NAV3: variants seen among roughly 807,000 people sequenced by gnomAD.
NAV3 encodes the protein neuron navigator 3, also known as pore membrane and/or filament interacting like protein 1.
Under a neutral mutation model 244.7 loss-of-function variants are expected in NAV3, and 87 were observed. That is an observed-to-expected ratio of 0.36 (90% CI 0.30 to 0.42). NAV3 has a LOEUF of 0.42. Ranked by LOEUF, NAV3 falls within the 20% of genes least tolerant of loss-of-function variation. NAV3 has a pLI of 1.00. For missense variants in NAV3, 2,663 were observed against 2,893.3 expected (o/e 0.92, Z 1.83); for synonymous variants, 1,126 against 1,042.2 (o/e 1.08, Z -1.55).
At chr12:77,611,868 A>C (rs948486015) in intron 2 of NAV3, among the ~76,000 whole-genome samples, 2 of 151,998 alleles carry the variant, frequency 1.3e-5, no homozygotes, top group Admixed American at 1.3e-4. Flanking sequence ...TTCATGCTTT[A>C]ATATATTGAT....
intron 28 of NAV3, among the ~76,000 whole-genome samples, chr12:78,179,166 G>A (rs377766191): frequency 2.0e-5 from 3 of 151,984 alleles, no homozygotes; most frequent in East Asian, 3.9e-4. Flanking sequence ...ATAGTCACAT[G>A]TTGCAAATAG....
chr12:77,961,139 A>G (rs1241430418), intron 3 of NAV3, among the ~76,000 whole-genome samples: 1 of 145,992 alleles, frequency 6.8e-6, no homozygotes, highest in Admixed American at 6.9e-5. Flanking sequence ...CTTTAATAAT[A>G]TATTACTATA....
At chr12:78,132,613 GGCAAT>G (rs1487382130) in intron 18 of NAV3, among the ~76,000 whole-genome samples, 1 of 152,044 alleles carries the variant, frequency 6.6e-6, no homozygotes, top group Non-Finnish European at 1.5e-5. Context: ...GCAAACCCTG[GGCAAT>G]GCAATTCATC....
rs750712701 is a variant in NAV3 at position 77,940,324 on chromosome 12, C to T, written c.249C>T (p.Tyr83=). 4.3e-6 allele frequency: 7 copies of T among 1,613,096 alleles called. No individual in the cohort carries two copies. In the Admixed American group the frequency reaches 1.0e-4, roughly 23 times the overall value. Residue 83 remains tyrosine, a synonymous_variant, in exon 2 of 40, where the codon TAC becomes TAT. Coordinates refer to ENST00000397909, the MANE Select transcript of NAV3 (RefSeq NM_001024383.2). ...KAKEKEDSKI[Y]TDWANHYLAK... ...TCCTTCTCTCTGTTCAACAGATTTA[C>T]ACTGACTGGGCCAACCACTACCTAG... is the stretch of plus-strand genomic sequence containing the variant.
chr12:77,692,363 G>T (rs994995823), intron 2 of NAV3, among the ~76,000 whole-genome samples: 3 of 152,002 alleles, frequency 2.0e-5, no homozygotes, highest in Non-Finnish European at 4.4e-5. Context: ...AACACCTTGG[G>T]TCAAAGGCAC....
intron 3 of NAV3, among the ~76,000 whole-genome samples, chr12:77,942,202 G>C (rs939182720): frequency 6.6e-6 from 1 of 152,002 alleles, no homozygotes; most frequent in Non-Finnish European, 1.5e-5. Context: ...GAGAAATCCT[G>C]TCTCTACTAA....
chr12:77,648,116 C>T (rs1872678020), intron 2 of NAV3, among the ~76,000 whole-genome samples: 1 of 151,900 alleles, frequency 6.6e-6, no homozygotes, highest in Non-Finnish European at 1.5e-5. Context: ...GAAAGTCATG[C>T]AAAATAAAAT....
intron 3 of NAV3, among the ~76,000 whole-genome samples, chr12:77,958,918 G>A (rs1410640517): frequency 6.6e-6 from 1 of 152,114 alleles, no homozygotes; most frequent in Non-Finnish European, 1.5e-5. Context: ...TGTTACCTGA[G>A]CCAAATGAGA....
chr12:77,728,723 C>T (rs1290906046), intron 2 of NAV3, among the ~76,000 whole-genome samples: 2 of 151,762 alleles, frequency 1.3e-5, no homozygotes, highest in African/African-American at 4.8e-5. Context: ...AAGTGATGTC[C>T]AGAACACACT....
At chr12:78,137,906 A>G (rs1419388864) in intron 19 of NAV3, among the ~76,000 whole-genome samples, 1 of 152,162 alleles carries the variant, frequency 6.6e-6, no homozygotes. Context: ...CTTTATAGTT[A>G]TATAGTTCTA....
At chr12:77,660,917 C>T (rs534704026) in intron 2 of NAV3, among the ~76,000 whole-genome samples, 3 of 152,182 alleles carry the variant, frequency 2.0e-5, no homozygotes, top group South Asian at 2.1e-4. Flanking sequence ...TTGCATGAGC[C>T]GTAGTTCATT....
intron 1 of NAV3, among the ~76,000 whole-genome samples, chr12:77,917,499 C>T (rs533323776): frequency 6.6e-6 from 1 of 151,990 alleles, no homozygotes. Flanking sequence ...AGGGTTATTT[C>T]TCTGCTTAAG....
intron 2 of NAV3, among the ~76,000 whole-genome samples, chr12:77,593,631 CTT>C (rs566083715): frequency 0.032 from 3,747 of 118,458 alleles, 189 homozygotes; most frequent in African/African-American, 0.11. Context: ...ATCCCAGCTA[CTT>C]TTTTTTTTTT....
intron 12 of NAV3, among the ~76,000 whole-genome samples, chr12:78,101,072 G>A (rs1954514008): frequency 6.6e-6 from 1 of 152,146 alleles, no homozygotes; most frequent in African/African-American, 2.4e-5. Flanking sequence ...GTGTTAGAAT[G>A]AGGGAATAAA....
chr12:77,997,865 CTT>C (rs1300772670), intron 6 of NAV3, among the ~76,000 whole-genome samples: 1 of 152,190 alleles, frequency 6.6e-6, no homozygotes, highest in Non-Finnish European at 1.5e-5. Flanking sequence ...TGTTCAGTAA[CTT>C]TCTTGTGATT....
chr12:77,635,027 G>C (rs577959860), intron 2 of NAV3, among the ~76,000 whole-genome samples: 2 of 151,986 alleles, frequency 1.3e-5, no homozygotes, highest in African/African-American at 2.4e-5. Context: ...TCAGGAGTTC[G>C]AGACCAGCCT....
intron 2 of NAV3, among the ~76,000 whole-genome samples, chr12:77,675,421 C>CT (rs146005685): frequency 0.033 from 4,970 of 152,216 alleles, 142 homozygotes; most frequent in Middle Eastern, 0.038. Context: ...CTTTTAAGAC[C>CT]TTTCAACTAA....
At chr12:77,580,699 A>T (rs1592471215) in intron 2 of NAV3, among the ~76,000 whole-genome samples, 1 of 152,342 alleles carries the variant, frequency 6.6e-6, no homozygotes, top group Non-Finnish European at 1.5e-5. Flanking sequence ...GAGGAGAAAA[A>T]GAACATTGAA....
At chr12:77,898,424 G>A (rs763447640) in intron 1 of NAV3, among the ~76,000 whole-genome samples, 1 of 152,098 alleles carries the variant, frequency 6.6e-6, no homozygotes, top group Admixed American at 6.5e-5. Flanking sequence ...TTGAAATAAG[G>A]TATTGAACAT....
Sources: gnomAD v4.1 joint callset for allele counts (sites outside exome capture counted in the v4.1 genomes callset) on GRCh38, gnomAD v4.1.1 for gene constraint, MANE v1.5 for transcripts, NCBI Gene and HGNC (gene_info 2026-07-23, HGNC 2026-07-21) for gene names.